PCDH10: variants seen among roughly 807,000 people sequenced by gnomAD.
PCDH10 encodes the protein protocadherin 10.
PCDH10 carries 15 observed loss-of-function variants against 74.4 expected under a neutral mutation model. The ratio of observed to expected loss-of-function variants is 0.20; its 90% CI spans 0.13 to 0.31. PCDH10 has a LOEUF of 0.31. Ranked by LOEUF, PCDH10 falls within the 10% of genes least tolerant of loss-of-function variation. The pLI, the probability that PCDH10 is intolerant of heterozygous loss-of-function variation, is 1.00. For missense variants in PCDH10, 1,260 were observed against 1,390.2 expected, an observed-to-expected ratio of 0.91 and a Z score of 1.49; for synonymous variants, 619 against 589.8, an observed-to-expected ratio of 1.05 and a Z score of -0.72.
intron 2 of PCDH10, among the ~76,000 whole-genome samples, chr4:133,205,833 T>C (rs1727989921): frequency 6.6e-6 from 1 of 152,180 alleles, no homozygotes; most frequent in African/African-American, 2.4e-5. Context: ...TGTTCCTCTT[T>C]TAAAGTATTT....
At chr4:133,179,772 T>C (rs1038071459) in intron 4 of PCDH10, among the ~76,000 whole-genome samples, 9 of 152,194 alleles carry the variant, frequency 5.9e-5, no homozygotes, top group Admixed American at 5.9e-4. Flanking sequence ...CATTTAAGGG[T>C]CCCATGTTCC....
intron 4 of PCDH10, among the ~76,000 whole-genome samples, chr4:133,169,765 A>T (rs2125865980): frequency 6.6e-6 from 1 of 152,068 alleles, no homozygotes; most frequent in African/African-American, 2.4e-5. Flanking sequence ...GAATCTACAA[A>T]TTCATTTGCC....
chr4:133,150,863 G>A lies in PCDH10; in HGVS notation c.723G>A (p.Leu241=). Reference sequence around the variant, plus strand: ...CGGCCCTACTCACCATCCGAGTGCTGGACTCCAATGACAATGTGCCCGCTT... The same window carrying A: ...CGGCCCTACTCACCATCCGAGTGCTAGACTCCAATGACAATGTGCCCGCTT... The part of the protein sequence containing the change: ...TGTALLTIRV[L]DSNDNVPAFD... Residue 241 remains leucine (L), a synonymous_variant, in exon 1 of 5, where the codon CTG becomes CTA. Transcript: ENST00000264360. 1 of 1,608,032 alleles carries A rather than the reference G, an allele frequency of 6.2e-7. No individual in the cohort carries two copies. Among genetic ancestry groups the A allele is most frequent in the Non-Finnish European group, 8.5e-7 (1 of 1,178,172 alleles).
intron 4 of PCDH10, among the ~76,000 whole-genome samples, chr4:133,178,531 T>C (rs1344758560): frequency 1.4e-5 from 2 of 144,950 alleles, no homozygotes; most frequent in African/African-American, 5.2e-5. Context: ...CCACCCGGCC[T>C]GGACTTTTTT....
chr4:133,198,804 A>G (rs1415663144), downstream of PCDH10, among the ~76,000 whole-genome samples: 1 of 152,200 alleles, frequency 6.6e-6, no homozygotes, highest in Non-Finnish European at 1.5e-5. Context: ...TTCTAGCTGC[A>G]AATCAGTTAT....
Position 133,150,860 on chromosome 4 carries a change from G to T in PCDH10, c.720G>T (p.Val240=). 2.5e-6 allele frequency: 4 copies of T among 1,607,332 alleles called. No homozygotes were observed. Among genetic ancestry groups the T allele is most frequent in the Non-Finnish European group, 3.4e-6 (4 of 1,177,934 alleles). Residue 240 remains valine, a synonymous_variant, in exon 1 of 5, where the codon GTG becomes GTT. Coordinates refer to ENST00000264360, the MANE Select transcript of PCDH10 (RefSeq NM_032961.3). ...RTGTALLTIR[V]LDSNDNVPAF... ...GCACGGCCCTACTCACCATCCGAGT[G>T]CTGGACTCCAATGACAATGTGCCCG... is the stretch of plus-strand genomic sequence containing the variant.
At chr4:133,153,092 G>T (rs1204897238) in intron 1 of PCDH10, 3 of 1,335,450 alleles carry the variant, frequency 2.2e-6, no homozygotes, top group Admixed American at 3.7e-5. Context: ...CTGCGTGAAG[G>T]GAGAGGGAAA....
chr4:133,173,781 T>C (rs1188390681), intron 4 of PCDH10, among the ~76,000 whole-genome samples: 4 of 151,712 alleles, frequency 2.6e-5, no homozygotes, highest in Non-Finnish European at 5.9e-5. Context: ...GAGAATGAAA[T>C]GTCCAGGAAC....
At chr4:133,187,388 G>A (rs1377127671) in intron 4 of PCDH10, among the ~76,000 whole-genome samples, 4 of 152,076 alleles carry the variant, frequency 2.6e-5, no homozygotes, top group Admixed American at 6.6e-5. Flanking sequence ...GGCCATAAGG[G>A]ACTTGAGCAT....
intron 4 of PCDH10, among the ~76,000 whole-genome samples, chr4:133,169,625 TA>T (rs1446707306): frequency 1.3e-5 from 2 of 151,902 alleles, no homozygotes; most frequent in African/African-American, 2.4e-5. Context: ...GACTATCAAT[TA>T]AAATATAAAT....
downstream of PCDH10, among the ~76,000 whole-genome samples, chr4:133,196,912 G>A (rs949463365): frequency 6.6e-6 from 1 of 152,176 alleles, no homozygotes; most frequent in Admixed American, 6.5e-5. Flanking sequence ...GTTACCAAAA[G>A]TATAGAATAT....
chr4:133,152,795 C>T (rs764685049), intron 1 of PCDH10, 24 bp downstream of exon 1: 28 of 1,613,694 alleles, frequency 1.7e-5, no homozygotes, highest in Non-Finnish European at 2.3e-5. Flanking sequence ...GAAAGGACCA[C>T]CATCTCTCAT....
At position 133,179,990 on chromosome 4, in the gene PCDH10, A is replaced by T. The variant is rs528106563; in HGVS notation, c.3104-10151A>T. Reference sequence around the variant, plus strand: ...AAAAAGCAAACTAAAACCACAAAAAATCTTAACCATTTCCAGTCCTAAATA... The same window carrying T: ...AAAAAGCAAACTAAAACCACAAAAATTCTTAACCATTTCCAGTCCTAAATA... On this transcript the variant is annotated intron_variant, in intron 4 of 4. Coordinates refer to ENST00000264360, the MANE Select transcript of PCDH10 (RefSeq NM_032961.3). Among the ~76,000 whole-genome samples the T allele has an allele frequency of 7.0e-4, 106 of 152,128 alleles. 1 individual carries two copies. The highest frequency in any genetic ancestry group is 2.5e-3 in the African/African-American group (104 of 41,534).
Position 133,150,077 on chromosome 4 carries a change from G to A in PCDH10, c.-64G>A. 1 of 1,435,464 alleles carries A rather than the reference G, an allele frequency of 7.0e-7. No homozygotes were observed. Among genetic ancestry groups the A allele is most frequent in the Non-Finnish European group, 9.2e-7 (1 of 1,090,752 alleles). The allele number at this position is 1,435,464 out of a possible 1,614,324, so 88.9% of individuals were successfully genotyped here. A position where few individuals can be genotyped will look rare whatever the true frequency, so the allele number is the denominator to read the frequency against. ...TTTTTCAGATTTTTTTTTGTTTCGT[G>A]GTGGTGGGGGAGGTGATTGGGTGGC... On this transcript the variant is annotated 5_prime_UTR_variant, in exon 1 of 5. Transcript: ENST00000264360.
intron 4 of PCDH10, among the ~76,000 whole-genome samples, chr4:133,168,480 A>G (rs1483059183): frequency 6.6e-6 from 1 of 151,550 alleles, no homozygotes; most frequent in Non-Finnish European, 1.5e-5. Flanking sequence ...TAATATTTAA[A>G]AGTGCCATTT....
At position 133,150,324 on chromosome 4, in the gene PCDH10, C is replaced by A. The variant is rs1454162686; in HGVS notation, c.184C>A (p.Pro62Thr). Reference sequence around the variant, plus strand: ...TCAGACGGTGCCCAACTCAAGGACCCCTTACTTAGACCTCAACCTGGAGAC... The same window carrying A: ...TCAGACGGTGCCCAACTCAAGGACCACTTACTTAGACCTCAACCTGGAGAC... ...GFQTVPNSRT[P>T]YLDLNLETGV... The change falls in exon 1 of 5, where the codon CCT (proline) becomes ACT (threonine). Residue 62 changes from proline to threonine, a missense_variant. By Grantham distance (38) the Pro-to-Thr change is conservative. Around this residue, in one of 11 missense-constraint regions of PCDH10, gnomAD observed 103 missense variants for 91.5 expected, o/e 1.13. Transcript: ENST00000264360. 1.2e-6 allele frequency: 2 copies of A among 1,613,588 alleles called. No individual in the cohort carries two copies. The highest frequency in any genetic ancestry group is 1.7e-6 in the Non-Finnish European group (2 of 1,179,884).
chr4:133,162,913 C>A, intron 3 of PCDH10, 64 bp from the exon 4 acceptor site: 1 of 1,376,214 alleles, frequency 7.3e-7, no homozygotes, highest in Non-Finnish European at 1.0e-6. Flanking sequence ...TGTAATCTTA[C>A]ACTGCTAAGT....
intron 3 of PCDH10, among the ~76,000 whole-genome samples, chr4:133,162,183 AGTAATAAC>A (rs1430360464): frequency 6.6e-6 from 1 of 152,196 alleles, no homozygotes; most frequent in East Asian, 1.9e-4. Context: ...ATATAGAGCA[AGTAATAAC>A]GTATTTGTCA....
In PCDH10 at chr4:133,152,114, C is replaced by A; in HGVS notation, c.1974C>A (p.Ile658=). The part of the protein sequence containing the change: ...RDPQRPYELV[I]EVRDHGQPPL... Reference sequence around the variant, plus strand: ...CCCAGCGGCCTTATGAGCTGGTGATCGAGGTGCGCGACCATGGGCAGCCGC... The same window carrying A: ...CCCAGCGGCCTTATGAGCTGGTGATAGAGGTGCGCGACCATGGGCAGCCGC... The change falls in exon 1 of 5, where the codon ATC becomes ATA. Residue 658 remains isoleucine (I), a synonymous_variant. Coordinates refer to ENST00000264360, the MANE Select transcript of PCDH10 (RefSeq NM_032961.3). 4 of 1,574,910 alleles carry A rather than the reference C, an allele frequency of 2.5e-6. No homozygotes were observed. Among genetic ancestry groups the A allele is most frequent in the Non-Finnish European group, 3.4e-6 (4 of 1,161,078 alleles).
Sources: gnomAD v4.1 joint callset for allele counts (sites outside exome capture counted in the v4.1 genomes callset) on GRCh38, gnomAD v4.1.1 for gene constraint, gnomAD v4.1.1 regional missense constraint, MANE v1.5 for transcripts, NCBI Gene and HGNC (gene_info 2026-07-23, HGNC 2026-07-21) for gene names.